RGS22: variants seen among roughly 807,000 people sequenced by gnomAD.
RGS22 encodes regulator of G protein signaling 22.
A neutral mutation model predicts 172.9 loss-of-function variants in RGS22; 148 were observed. The observed-to-expected ratio is 0.86, with a 90% CI of 0.75 to 0.98. The LOEUF is 0.98. Among genes scored for constraint, RGS22 ranks in the 50% least tolerant of loss-of-function variants. The pLI, the probability that RGS22 is intolerant of heterozygous loss-of-function variation, is 0.00. For missense variants in RGS22, 1,347 were observed against 1,440.8 expected (o/e 0.93, Z 1.05); for synonymous variants, 458 against 480.2 (o/e 0.95, Z 0.60).
intron 2 of RGS22, among the ~76,000 whole-genome samples, chr8:100,102,554 T>A (rs1358150366): frequency 6.6e-6 from 1 of 152,230 alleles, no homozygotes; most frequent in African/African-American, 2.4e-5. Context: ...AATTTGAGAA[T>A]CTGGTTATAA....
intron 2 of RGS22, among the ~76,000 whole-genome samples, chr8:100,102,156 GC>G (rs1466352249): frequency 6.6e-6 from 1 of 152,164 alleles, no homozygotes; most frequent in Non-Finnish European, 1.5e-5. Flanking sequence ...AGTTAGAATA[GC>G]CCAGCTTCTA....
intron 23 of RGS22, among the ~76,000 whole-genome samples, chr8:99,966,841 T>TAA (rs1238104119): frequency 6.6e-6 from 1 of 152,202 alleles, no homozygotes; most frequent in Non-Finnish European, 1.5e-5. Context: ...TCCCATTAAA[T>TAA]AATAACTCCT....
intron 2 of RGS22, among the ~76,000 whole-genome samples, chr8:100,099,718 A>T (rs1272177425): frequency 6.6e-6 from 1 of 152,236 alleles, no homozygotes; most frequent in Non-Finnish European, 1.5e-5. Flanking sequence ...AGGATTCCAT[A>T]GAGATGAAAG....
intron 2 of RGS22, among the ~76,000 whole-genome samples, chr8:100,098,688 CT>C (rs1813174279): frequency 6.6e-6 from 1 of 151,844 alleles, no homozygotes; most frequent in Non-Finnish European, 1.5e-5. Flanking sequence ...TCTCTTCTCT[CT>C]TCTTCCCTCT....
rs747602476 is a variant in RGS22, at chr8:100,052,812, G to C, written c.1679C>G (p.Pro560Arg). ...GAATGTACACCCTACCTGGATCTCAGGTATCTGTGGAATGCAAGATTTGGG... is the reference window on the plus strand; with the variant it reads ...GAATGTACACCCTACCTGGATCTCACGTATCTGTGGAATGCAAGATTTGGG... ...LRPKSCIPQI[P>R]EIQKEEFSLS... The change falls in exon 10 of 28, where the codon CCT becomes CGT. Residue 560 changes from proline (P) to arginine (R), a missense_variant. By Grantham distance (103) the Pro-to-Arg change is moderately radical. Coordinates refer to ENST00000360863, the MANE Select transcript of RGS22 (RefSeq NM_015668.5). 1.2e-5 allele frequency: 20 copies of C among 1,613,946 alleles called. No homozygotes were observed. Among genetic ancestry groups the C allele is most frequent in the Non-Finnish European group, 1.7e-5 (20 of 1,179,898 alleles).
At chr8:100,027,857 C>G (rs1214981457) in intron 14 of RGS22, among the ~76,000 whole-genome samples, 1 of 152,112 alleles carries the variant, frequency 6.6e-6, no homozygotes, top group Admixed American at 6.6e-5. Context: ...TTCCCATTTT[C>G]CTTCCTCATT....
intron 18 of RGS22, 108 bp downstream of exon 18, chr8:100,002,094 C>T (rs1815149729): frequency 1.2e-6 from 1 of 816,522 alleles, no homozygotes; most frequent in South Asian, 2.1e-5. Flanking sequence ...ACACATTAGT[C>T]ATAAGCAAAA....
intron 20 of RGS22, among the ~76,000 whole-genome samples, chr8:99,992,615 A>G (rs898410422): frequency 5.3e-5 from 8 of 152,214 alleles, no homozygotes; most frequent in South Asian, 2.1e-4. Context: ...AGATTCATAA[A>G]GCAAGTCCTT....
At chr8:100,091,849 A>T (rs1812606659) in intron 3 of RGS22, 1 of 152,140 alleles carries the variant, frequency 6.6e-6, no homozygotes, top group African/African-American at 2.4e-5. Flanking sequence ...ATAATATACA[A>T]CTGGACAACA....
chr8:100,089,509 A>G (rs1812408461), intron 3 of RGS22, among the ~76,000 whole-genome samples: 1 of 152,074 alleles, frequency 6.6e-6, no homozygotes, highest in Non-Finnish European at 1.5e-5. Flanking sequence ...CAGGTTAAAC[A>G]CCAAACTTCT....
chr8:100,022,252 G>A (rs1817669943), intron 14 of RGS22, among the ~76,000 whole-genome samples: 1 of 152,172 alleles, frequency 6.6e-6, no homozygotes, highest in Non-Finnish European at 1.5e-5. Context: ...TACGAAAAAA[G>A]ATAATGATGA....
intron 4 of RGS22, among the ~76,000 whole-genome samples, chr8:100,075,887 GTTA>G (rs1443327917): frequency 2.0e-5 from 3 of 151,712 alleles, no homozygotes; most frequent in African/African-American, 4.8e-5. Flanking sequence ...ACAAACGTTT[GTTA>G]TTATTTGCCC....
intron 23 of RGS22, among the ~76,000 whole-genome samples, chr8:99,977,248 C>T (rs934957445): frequency 1.3e-5 from 2 of 150,524 alleles, no homozygotes; most frequent in South Asian, 2.1e-4. Context: ...GGACTACAGG[C>T]GCAAGCTGCC....
Position 99,965,418 on chromosome 8 carries a change from G to A in RGS22, c.3532C>T (p.Gln1178Ter). 6.2e-7 allele frequency: 1 copy of A among 1,607,946 alleles called. No homozygotes were observed. The highest frequency in any genetic ancestry group is 8.5e-7 in the Non-Finnish European group (1 of 1,175,170). Reference sequence around the variant, plus strand: ...GCAGGCACTGAAGTATTTGCATATTGTTTGATTCCATCCTGTAATTATATT... The same window carrying A: ...GCAGGCACTGAAGTATTTGCATATTATTTGATTCCATCCTGTAATTATATT... Reference protein sequence around the residue: ...DEKSGKDGIKQYANTSVPAIK... With the variant: ...DEKSGKDGIK Residue 1178 changes from glutamine (Q) to a stop codon, truncating the protein, a stop_gained, in exon 24 of 28, where the codon CAA becomes TAA. Transcript: ENST00000360863. LOFTEE classifies it high-confidence loss of function.
chr8:100,012,978 A>AT (rs35339430), intron 14 of RGS22, among the ~76,000 whole-genome samples: 1,610 of 88,654 alleles, frequency 0.018, 16 homozygotes, highest in Non-Finnish European at 0.02. Flanking sequence ...AACGCCTTTG[A>AT]TTTTTTTTTT....
intron 4 of RGS22, among the ~76,000 whole-genome samples, chr8:100,072,755 T>A (rs1393049751): frequency 3.3e-5 from 5 of 152,218 alleles, no homozygotes; most frequent in Non-Finnish European, 5.9e-5. Flanking sequence ...AATACTACAG[T>A]GTAGGCTTCT....
intron 8 of RGS22, 91 bp downstream of exon 8, chr8:100,063,325 T>C: frequency 1.1e-6 from 1 of 881,362 alleles, no homozygotes; most frequent in South Asian, 2.6e-5. Flanking sequence ...TTTTTAAAAT[T>C]TACTTTGGGC....
intron 15 of RGS22, among the ~76,000 whole-genome samples, chr8:100,006,619 G>A (rs1815750803): frequency 6.6e-6 from 1 of 152,202 alleles, no homozygotes; most frequent in Admixed American, 6.5e-5. Context: ...ATAGTCAGGA[G>A]AACAAGACCA....
chr8:100,011,653 T>C (rs1366030129), intron 14 of RGS22, among the ~76,000 whole-genome samples: 1 of 152,194 alleles, frequency 6.6e-6, no homozygotes, highest in Non-Finnish European at 1.5e-5. Flanking sequence ...CAAAACACCC[T>C]GAGAGCAGGA....
Sources: allele counts gnomAD v4.1 joint callset (sites outside exome capture counted in the v4.1 genomes callset), GRCh38; gene constraint gnomAD v4.1.1; transcripts MANE v1.5; gene names NCBI Gene and HGNC (gene_info 2026-07-23, HGNC 2026-07-21).